Variants in GLMN observed in about 807,000 individuals in gnomAD.
The protein encoded by GLMN is glomulin.
GLMN carries 75 observed loss-of-function variants against 87.8 expected under a neutral mutation model. The ratio of observed to expected loss-of-function variants is 0.85; its 90% CI spans 0.71 to 1.04. The LOEUF (loss-of-function observed/expected upper bound fraction) is 1.04. Ranked by LOEUF, GLMN falls within the 50% of genes least tolerant of loss-of-function variation. The pLI, the probability that GLMN is intolerant of heterozygous loss-of-function variation, is 0.00. For synonymous variants in GLMN, 206 were observed against 221.6 expected (o/e 0.93, Z 0.63); for missense variants, 588 against 658.8 (o/e 0.89, Z 1.18).
chr1:92,260,716 A>T (rs1282454685), intron 16 of GLMN, among the ~76,000 whole-genome samples: 1 of 139,818 alleles, frequency 7.2e-6, no homozygotes, highest in Non-Finnish European at 1.5e-5. Flanking sequence ...CATGACTGCC[A>T]CTGTACTCCA....
At chr1:92,296,652 GAC>G (rs1650095291) in intron 3 of GLMN, among the ~76,000 whole-genome samples, 2 of 152,184 alleles carry the variant, frequency 1.3e-5, no homozygotes, top group Admixed American at 1.3e-4. Context: ...AGTATCCAAA[GAC>G]ACAAAATTTG....
At chr1:92,260,785 AAG>A (rs1654946249) in intron 16 of GLMN, among the ~76,000 whole-genome samples, 1 of 151,464 alleles carries the variant, frequency 6.6e-6, no homozygotes, top group Admixed American at 6.6e-5. Flanking sequence ...AAAAAAAAAA[AAG>A]GCAGTCCTAT....
At position 92,264,647 on chromosome 1, in the gene GLMN, C is replaced by T; in HGVS notation, c.1215-9G>A. The T allele has an allele frequency of 7.1e-7, 1 of 1,413,842 alleles. No individual in the cohort carries two copies. Among genetic ancestry groups the T allele is most frequent in the South Asian group, 1.2e-5 (1 of 86,900 alleles). The allele number at this position is 1,413,842 out of a possible 1,614,324, so 87.6% of individuals were successfully genotyped here. A position where few individuals can be genotyped will look rare whatever the true frequency, so the allele number is the denominator to read the frequency against. On this transcript the variant is annotated splice_polypyrimidine_tract_variant and intron_variant, in intron 13 of 18. Coordinates refer to ENST00000370360, the MANE Select transcript of GLMN (RefSeq NM_053274.3). ...TTGTATTCAATAAGCACCTTGAAAG[C>T]AAAATTACAATAGATGTGAAATTAT...
chr1:92,325,823 T>C, the GLMN span, among the ~76,000 whole-genome samples: 2 of 152,302 alleles, frequency 1.3e-5, no homozygotes, highest in African/African-American at 4.8e-5. Context: ...GTGTCCAGTT[T>C]ATTTCATGCA....
At chr1:92,275,474 C>T (rs1023607173) in intron 7 of GLMN, among the ~76,000 whole-genome samples, 4 of 152,146 alleles carry the variant, frequency 2.6e-5, no homozygotes, top group Admixed American at 1.3e-4. Context: ...CAACAGTTTG[C>T]ACCCCAACAG....
upstream of GLMN, chr1:92,303,874 T>C (rs1651028822): frequency 1.5e-6 from 1 of 685,880 alleles, no homozygotes; most frequent in Non-Finnish European, 2.4e-6. Context: ...GAAGGTACTA[T>C]TGCTATCCCT....
the GLMN span, among the ~76,000 whole-genome samples, chr1:92,351,305 CAAAAAAAAAAAA>C: frequency 0.06 from 5,266 of 87,078 alleles, 293 homozygotes; most frequent in African/African-American, 0.18. Flanking sequence ...GACTCTGTCT[CAAAAAAAAAAAA>C]AAAAAAAAAA....
At chr1:92,298,143 T>A (rs928164105) in intron 1 of GLMN, 114 bp from the exon 2 acceptor site, 21 of 623,548 alleles carry the variant, frequency 3.4e-5, no homozygotes, top group African/African-American at 7.4e-5. Flanking sequence ...TGGAAAGTTT[T>A]TGTTGTTGTG....
In GLMN at chr1:92,298,010, C is replaced by T; in HGVS notation, c.-11G>A. 2 of 1,471,348 alleles carry T rather than the reference C, an allele frequency of 1.4e-6. 1 individual carries two copies. Among genetic ancestry groups the T allele is most frequent in the Middle Eastern group, 3.6e-4 (2 of 5,610 alleles). The allele number at this position is 1,471,348 out of a possible 1,614,324, so 91.1% of individuals were successfully genotyped here. On this transcript the variant is annotated 5_prime_UTR_variant, in exon 2 of 19. Coordinates refer to ENST00000370360, the MANE Select transcript of GLMN (RefSeq NM_053274.3). ...TTCCTCTACAGCCATTCTTATTTCT[C>T]CTAGTTTCGATGCTAAAATCTACAA...
At chr1:92,323,824 A>G in the GLMN span, 2 of 1,614,006 alleles carry the variant, frequency 1.2e-6, no homozygotes, top group African/African-American at 1.3e-5. Flanking sequence ...GAGTTCTTCA[A>G]ATAGCACTTT....
At chr1:92,364,719 T>C in the GLMN span, among the ~76,000 whole-genome samples, 1 of 152,318 alleles carries the variant, frequency 6.6e-6, no homozygotes, top group East Asian at 1.9e-4. Context: ...TTGCCACTGC[T>C]ACTAACCCAC....
chr1:92,261,889 T>C (rs1281094556), intron 16 of GLMN, among the ~76,000 whole-genome samples: 1 of 148,610 alleles, frequency 6.7e-6, no homozygotes, highest in Non-Finnish European at 1.5e-5. Flanking sequence ...TCATAGACTC[T>C]AGGTGGTGGG....
intron 16 of GLMN, among the ~76,000 whole-genome samples, chr1:92,249,969 TTTC>T (rs1260439319): frequency 6.6e-6 from 1 of 152,138 alleles, no homozygotes; most frequent in Non-Finnish European, 1.5e-5. Flanking sequence ...CGTCCAGCCT[TTTC>T]TTCACCATTT....
At chr1:92,342,484 T>G in the GLMN span, among the ~76,000 whole-genome samples, 1 of 152,170 alleles carries the variant, frequency 6.6e-6, no homozygotes, top group Non-Finnish European at 1.5e-5. Flanking sequence ...TGACCTTTAC[T>G]CTGAGTGAGA....
the GLMN span, among the ~76,000 whole-genome samples, chr1:92,325,045 T>C: frequency 1.3e-5 from 2 of 152,200 alleles, no homozygotes; most frequent in African/African-American, 4.8e-5. Context: ...AAAGCATTTA[T>C]CACAGTACAT....
At chr1:92,343,388 G>A in the GLMN span, among the ~76,000 whole-genome samples, 8 of 152,192 alleles carry the variant, frequency 5.3e-5, no homozygotes, top group South Asian at 2.1e-4. Context: ...ATCAAACAAC[G>A]TGTCCAAAAT....
chr1:92,303,850 C>T, upstream of GLMN: 1 of 535,718 alleles, frequency 1.9e-6, no homozygotes, highest in Non-Finnish European at 3.1e-6. Flanking sequence ...TAATTCTAAC[C>T]TCTAACTTAT....
At chr1:92,328,077 G>A in the GLMN span, among the ~76,000 whole-genome samples, 2 of 152,254 alleles carry the variant, frequency 1.3e-5, no homozygotes, top group Admixed American at 1.3e-4. Context: ...TTGCCTCACT[G>A]CTCTTAAGAT....
the GLMN span, among the ~76,000 whole-genome samples, chr1:92,328,469 A>C: frequency 6.6e-6 from 1 of 152,120 alleles, no homozygotes. Flanking sequence ...GCATTTCTCT[A>C]AGTATGTCCT....
Sources: gnomAD v4.1 joint callset for allele counts (sites outside exome capture counted in the v4.1 genomes callset) on GRCh38, gnomAD v4.1.1 for gene constraint, MANE v1.5 for transcripts, NCBI Gene and HGNC (gene_info 2026-07-23, HGNC 2026-07-21) for gene names.